The following HACD2 variants were observed in gnomAD, a reference collection of about 807,000 sequenced individuals.
HACD2 encodes 3-hydroxyacyl-CoA dehydratase 2.
In HACD2, 15 loss-of-function variants were observed where a neutral mutation model predicts 31.0. The ratio of observed to expected loss-of-function variants is 0.48; its 90% CI spans 0.32 to 0.75. The LOEUF is 0.75. Among genes scored for constraint, HACD2 ranks in the 30% least tolerant of loss-of-function variants. HACD2 has a pLI of 0.03. For synonymous variants in HACD2, 115 were observed against 122.2 expected (o/e 0.94, Z 0.39); for missense variants, 283 against 313.0 (o/e 0.90, Z 0.72).
intron 3 of HACD2, among the ~76,000 whole-genome samples, chr3:123,540,799 G>T (rs920793140): frequency 5.9e-5 from 9 of 151,812 alleles, no homozygotes; most frequent in African/African-American, 2.2e-4. Flanking sequence ...GAACAAAATT[G>T]AACTTTTAAA....
intron 3 of HACD2, among the ~76,000 whole-genome samples, chr3:123,566,051 C>T (rs955365): frequency 0.34 from 51,891 of 151,886 alleles, 10,307 homozygotes; most frequent in African/African-American, 0.54. Context: ...AGCCCCCAAG[C>T]CACTTTCAAA....
At chr3:123,575,689 T>G (rs1254386) in intron 2 of HACD2, among the ~76,000 whole-genome samples, 42,526 of 152,144 alleles carry the variant, frequency 0.28, 7,456 homozygotes, top group East Asian at 0.6. Flanking sequence ...GTTTCCAGCT[T>G]TAGGAAACTG....
intron 2 of HACD2, among the ~76,000 whole-genome samples, chr3:123,570,976 T>G (rs1325376195): frequency 1.4e-5 from 2 of 141,124 alleles, no homozygotes; most frequent in African/African-American, 2.7e-5. Flanking sequence ...ATATGAAATA[T>G]TAGTCTATAT....
At chr3:123,532,147 A>T (rs1559913956) in intron 3 of HACD2, among the ~76,000 whole-genome samples, 1 of 152,234 alleles carries the variant, frequency 6.6e-6, no homozygotes, top group Admixed American at 6.5e-5. Context: ...ATAAGTAGTG[A>T]ACAAAAAGCT....
chr3:123,500,752 C>T, intron 5 of HACD2, 59 bp from the exon 6 acceptor site: 1 of 1,114,466 alleles, frequency 9.0e-7, no homozygotes, highest in Non-Finnish European at 1.3e-6. Context: ...AAGGAAGCTG[C>T]ACTTCCCACC....
intron 3 of HACD2, among the ~76,000 whole-genome samples, chr3:123,545,088 A>G (rs2107724684): frequency 6.6e-6 from 1 of 150,488 alleles, no homozygotes; most frequent in East Asian, 1.9e-4. Flanking sequence ...TTTCTGGGTA[A>G]TGAGATCAAG....
At chr3:123,538,576 T>C (rs887486227) in intron 3 of HACD2, among the ~76,000 whole-genome samples, 2 of 152,198 alleles carry the variant, frequency 1.3e-5, no homozygotes, top group Admixed American at 6.5e-5. Context: ...GGTGCTTCTC[T>C]AACTAGGGCA....
intron 3 of HACD2, among the ~76,000 whole-genome samples, chr3:123,559,858 A>C (rs1409677594): frequency 6.6e-6 from 1 of 152,150 alleles, no homozygotes; most frequent in African/African-American, 2.4e-5. Flanking sequence ...TTTGCCTCAT[A>C]CTTGGGTGCT....
chr3:123,501,178 TC>T (rs139989307), intron 5 of HACD2, among the ~76,000 whole-genome samples: 14,725 of 152,196 alleles, frequency 0.097, 970 homozygotes, highest in African/African-American at 0.2. Context: ...CTACTATTTT[TC>T]AAATGTTTGT....
At chr3:123,543,605 C>A (rs963825391) in intron 3 of HACD2, 8 of 340,694 alleles carry the variant, frequency 2.3e-5, no homozygotes, top group Non-Finnish European at 4.6e-5. Context: ...AAAATAAACT[C>A]ATTTAAAGTG....
At chr3:123,508,220 G>T (rs768731389) in intron 4 of HACD2, among the ~76,000 whole-genome samples, 1 of 152,136 alleles carries the variant, frequency 6.6e-6, no homozygotes, top group Non-Finnish European at 1.5e-5. Flanking sequence ...ATAGGGGAGC[G>T]GGTACCATGA....
chr3:123,533,198 G>C (rs1038503354), intron 3 of HACD2, among the ~76,000 whole-genome samples: 1 of 152,206 alleles, frequency 6.6e-6, no homozygotes, highest in Non-Finnish European at 1.5e-5. Context: ...GCTCAGACTA[G>C]AGTACAGTGG....
intron 3 of HACD2, among the ~76,000 whole-genome samples, chr3:123,563,644 TAC>T (rs58761061): frequency 0.11 from 12,693 of 111,872 alleles, 817 homozygotes; most frequent in African/African-American, 0.31. Flanking sequence ...AAAATATATA[TAC>T]ACACACACAC....
chr3:123,576,664 C>T (rs2056911000), intron 2 of HACD2, among the ~76,000 whole-genome samples: 1 of 152,128 alleles, frequency 6.6e-6, no homozygotes, highest in African/African-American at 2.4e-5. Flanking sequence ...ACTGGGAAAT[C>T]AGAATGTTTC....
At chr3:123,507,758 G>A (rs1403249119) in intron 4 of HACD2, among the ~76,000 whole-genome samples, 1 of 152,056 alleles carries the variant, frequency 6.6e-6, no homozygotes, top group Non-Finnish European at 1.5e-5. Flanking sequence ...TTAAAAAAGG[G>A]CATGAGGGAT....
intron 3 of HACD2, among the ~76,000 whole-genome samples, chr3:123,546,272 T>C (rs1051257643): frequency 2.0e-5 from 3 of 152,208 alleles, no homozygotes; most frequent in Admixed American, 6.5e-5. Context: ...GCCAAGTGGA[T>C]GGACTCATGG....
At chr3:123,511,424 G>GA (rs1318570514) in intron 4 of HACD2, among the ~76,000 whole-genome samples, 4 of 152,136 alleles carry the variant, frequency 2.6e-5, no homozygotes, top group Admixed American at 6.5e-5. Context: ...CTATTGGAAG[G>GA]AACCCTATAC....
rs949744053 is a variant in HACD2, at chr3:123,551,723, T to G, written c.292+16039A>C. Among the ~76,000 whole-genome samples the G allele has an allele frequency of 3.3e-5, 5 of 152,176 alleles. 1 individual carries two copies. In the East Asian group the frequency reaches 7.7e-4, roughly 23 times the overall value. On this transcript the variant is annotated intron_variant, in intron 3 of 6. Coordinates refer to ENST00000383657, the MANE Select transcript of HACD2 (RefSeq NM_198402.5). ...AGTAAAAGCCTTGGAATATATAACT[T>G]TTGACCTATTTCTGGAAATTTATCT...
chr3:123,499,701 T>C (rs2055879754), intron 6 of HACD2: 1 of 452,728 alleles, frequency 2.2e-6, no homozygotes, highest in Admixed American at 2.4e-5. Context: ...AGAGTTACAG[T>C]GGTTATAGAA....
Sources: allele counts gnomAD v4.1 joint callset (sites outside exome capture counted in the v4.1 genomes callset), GRCh38; gene constraint gnomAD v4.1.1; transcripts MANE v1.5; gene names NCBI Gene and HGNC (gene_info 2026-07-23, HGNC 2026-07-21).